The following SLC8A1 variants were observed in gnomAD, a reference collection of about 807,000 sequenced individuals.
The protein encoded by SLC8A1 is solute carrier family 8 member A1, also known as sodium/calcium exchanger 1.
A neutral mutation model predicts 68.3 loss-of-function variants in SLC8A1; 18 were observed. The observed-to-expected ratio is 0.26, with a 90% CI of 0.18 to 0.39. The LOEUF (loss-of-function observed/expected upper bound fraction) is 0.39. Among genes scored for constraint, SLC8A1 ranks in the 10% least tolerant of loss-of-function variants. The probability of loss-of-function intolerance (pLI) is 1.00; values close to 1 mark genes in which losing one functional copy is unlikely to be tolerated. For missense variants in SLC8A1, 985 were observed against 1,156.7 expected (o/e 0.85, Z 2.15); for synonymous variants, 475 against 415.5 (o/e 1.14, Z -1.74).
chr2:40,158,287 T>C (rs2044979386), intron 6 of SLC8A1, among the ~76,000 whole-genome samples: 1 of 152,220 alleles, frequency 6.6e-6, no homozygotes, highest in South Asian at 2.1e-4. Context: ...ACTGACATTC[T>C]TTAGACAGTT....
intron 2 of SLC8A1, 57 bp downstream of exon 2, chr2:40,428,416 C>A (rs1697422094): frequency 1.4e-6 from 2 of 1,396,574 alleles, no homozygotes; most frequent in South Asian, 3.0e-5. Context: ...TTCATAAACA[C>A]ACTGAACCAC....
Position 40,430,446 on chromosome 2 carries a change from T to C in SLC8A1, c.-24-142A>G, listed in dbSNP as rs890107475. 9.2e-6 allele frequency: 7 copies of C among 760,106 alleles called. No homozygotes were observed. The African/African-American group carries it at 1.2e-4, about 13-fold the overall frequency. 47.1% of individuals were successfully genotyped at this position (760,106 alleles called of 1,614,324 possible). A position where few individuals can be genotyped will look rare whatever the true frequency, so the allele number is the denominator to read the frequency against. On this transcript the variant is annotated intron_variant, in intron 1 of 7. Transcript: ENST00000406785. The stretch of plus-strand genomic sequence containing the variant: ...CCATCACAAAACCGAAATTTGTTTA[T>C]ATTTGACCATCACAAAATCTATGGT...
At chr2:40,460,393 T>G (rs1475327299) in intron 1 of SLC8A1, among the ~76,000 whole-genome samples, 1 of 152,068 alleles carries the variant, frequency 6.6e-6, no homozygotes, top group Non-Finnish European at 1.5e-5. Context: ...CTTTATAGGG[T>G]AATCATTTAT....
chr2:40,169,591 A>G (rs1260114232), intron 4 of SLC8A1, among the ~76,000 whole-genome samples: 2 of 152,118 alleles, frequency 1.3e-5, no homozygotes, highest in African/African-American at 4.8e-5. Flanking sequence ...GGCTAACATC[A>G]TGTTGCCTGG....
intron 2 of SLC8A1, among the ~76,000 whole-genome samples, chr2:40,410,358 A>G (rs1381866769): frequency 2.0e-5 from 3 of 152,150 alleles, no homozygotes; most frequent in Non-Finnish European, 4.4e-5. Flanking sequence ...TCACATTGAA[A>G]ATAATTTCAT....
chr2:40,231,904 G>A (rs1320287533), intron 2 of SLC8A1, among the ~76,000 whole-genome samples: 1 of 152,136 alleles, frequency 6.6e-6, no homozygotes, highest in African/African-American at 2.4e-5. Context: ...GGCTGTCCCT[G>A]GACTGGCCTG....
chr2:40,306,917 T>A (rs1371678791), intron 2 of SLC8A1, among the ~76,000 whole-genome samples: 2 of 152,138 alleles, frequency 1.3e-5, no homozygotes, highest in Non-Finnish European at 2.9e-5. Context: ...GTTTGCTTAA[T>A]GAAGAGTATC....
At chr2:40,312,048 A>G in intron 2 of SLC8A1, among the ~76,000 whole-genome samples, 1 of 152,096 alleles carries the variant, frequency 6.6e-6, no homozygotes, top group East Asian at 1.9e-4. Flanking sequence ...TTAAATCACC[A>G]TCTTCTCCCT....
intron 2 of SLC8A1, chr2:40,196,055 G>C (rs2052945337): frequency 6.6e-6 from 1 of 151,488 alleles, no homozygotes. Flanking sequence ...ACTTGAAGGA[G>C]GAAGTGCTAA....
At chr2:40,441,892 C>T (rs6544339) in intron 1 of SLC8A1, among the ~76,000 whole-genome samples, 1 of 151,582 alleles carries the variant, frequency 6.6e-6, no homozygotes, top group Non-Finnish European at 1.5e-5. Context: ...AAAAGCAATT[C>T]CAACAAAAGC....
chr2:40,277,207 G>A (rs934223185), intron 2 of SLC8A1, among the ~76,000 whole-genome samples: 3 of 151,800 alleles, frequency 2.0e-5, no homozygotes, highest in African/African-American at 4.8e-5. Flanking sequence ...ACTCTGACAA[G>A]TTACTTGCCC....
At chr2:40,414,509 G>T (rs1693206664) in intron 2 of SLC8A1, among the ~76,000 whole-genome samples, 1 of 152,110 alleles carries the variant, frequency 6.6e-6, no homozygotes, top group Non-Finnish European at 1.5e-5. Context: ...GCTTAATTCT[G>T]ATCTTGTACT....
chr2:40,124,724 T>C (rs1369002726), intron 7 of SLC8A1, among the ~76,000 whole-genome samples: 1 of 152,250 alleles, frequency 6.6e-6, no homozygotes, highest in African/African-American at 2.4e-5. Context: ...GCAGAGTTTC[T>C]ATGTTAGAGA....
In SLC8A1 at chr2:40,319,002, T is replaced by C. The variant is rs572320357; in HGVS notation, c.1808+109471A>G. On this transcript the variant is annotated intron_variant, in intron 2 of 7. Transcript: ENST00000406785. The stretch of plus-strand genomic sequence containing the variant: ...TTGCCACTGCTATAAATACACCAAC[T>C]GGAAAGCTTTCAACTCCCAGGAAAC... 3.3e-5 allele frequency among the ~76,000 whole-genome samples: 5 copies of C among 152,040 alleles called. No homozygotes were observed. In the South Asian group the frequency reaches 1.0e-3, roughly 32 times the overall value.
intron 2 of SLC8A1, among the ~76,000 whole-genome samples, chr2:40,391,140 A>C (rs947131514): frequency 6.7e-6 from 1 of 149,034 alleles, no homozygotes; most frequent in African/African-American, 2.5e-5. Context: ...TATTCTCCTT[A>C]AAATATATAT....
At chr2:40,125,588 T>C (rs963216713) in intron 7 of SLC8A1, among the ~76,000 whole-genome samples, 6 of 152,236 alleles carry the variant, frequency 3.9e-5, no homozygotes, top group African/African-American at 1.4e-4. Context: ...ACTAACAGTA[T>C]GTTTTAGTGA....
At chr2:40,423,617 T>C (rs771084600) in intron 2 of SLC8A1, among the ~76,000 whole-genome samples, 2 of 151,970 alleles carry the variant, frequency 1.3e-5, no homozygotes, top group Non-Finnish European at 2.9e-5. Flanking sequence ...GAAATCTCAA[T>C]TGCTAAGACA....
intron 2 of SLC8A1, among the ~76,000 whole-genome samples, chr2:40,222,380 A>G (rs1005330782): frequency 7.9e-5 from 12 of 152,214 alleles, no homozygotes; most frequent in South Asian, 2.1e-4. Context: ...TTAACTCAAG[A>G]TGGATTAAAG....
At chr2:40,129,350 C>T (rs946112314) in intron 7 of SLC8A1, among the ~76,000 whole-genome samples, 1 of 151,850 alleles carries the variant, frequency 6.6e-6, no homozygotes, top group African/African-American at 2.4e-5. Flanking sequence ...CCCATCTCAG[C>T]CTCCTGAGTA....
Sources: allele counts gnomAD v4.1 joint callset (sites outside exome capture counted in the v4.1 genomes callset), GRCh38; gene constraint gnomAD v4.1.1; transcripts MANE v1.5; gene names NCBI Gene and HGNC (gene_info 2026-07-23, HGNC 2026-07-21).